SOAT1: variants seen among roughly 807,000 people sequenced by gnomAD.
SOAT1 encodes sterol O-acyltransferase 1, also known as acyl-coenzyme A:cholesterol acyltransferase 1.
SOAT1 carries 55 observed loss-of-function variants against 69.5 expected under a neutral mutation model. The observed-to-expected ratio is 0.79, with a 90% CI of 0.64 to 0.99. The LOEUF is 0.99. SOAT1 is among the 50% of genes least tolerant of loss of function. The probability of loss-of-function intolerance (pLI) is 0.00; values close to 1 mark genes in which losing one functional copy is unlikely to be tolerated. For missense variants in SOAT1, 580 were observed against 669.3 expected (o/e 0.87, Z 1.47); for synonymous variants, 231 against 224.7 (o/e 1.03, Z -0.25).
At chr1:179,339,571 C>G (rs1398965272) in intron 6 of SOAT1, 26 bp downstream of exon 6, 1 of 1,443,738 alleles carries the variant, frequency 6.9e-7, no homozygotes. Flanking sequence ...AGATGGCTGG[C>G]TAGTTGATGC....
intron 2 of SOAT1, among the ~76,000 whole-genome samples, chr1:179,316,365 G>A (rs1165838495): frequency 6.6e-6 from 1 of 151,716 alleles, no homozygotes; most frequent in African/African-American, 2.4e-5. Flanking sequence ...GCGTCAGACA[G>A]TTTCACTGTG....
At chr1:179,343,544 C>CAATT (rs1666416384) in intron 9 of SOAT1, 46 bp from the exon 10 acceptor site, 1 of 1,522,230 alleles carries the variant, frequency 6.6e-7, no homozygotes, top group African/African-American at 1.4e-5. Flanking sequence ...TATTCAAGTT[C>CAATT]AATTACTTTA....
In SOAT1 at chr1:179,341,212, A is replaced by G. The variant is rs1200910072; in HGVS notation, c.682A>G (p.Met228Val). Reference protein sequence around the residue: ...IRSLFHGFLFMIFQIGVLGFG... With the variant: ...IRSLFHGFLFVIFQIGVLGFG... ...TTCTCTCTTCCATGGCTTTCTTTTC[A>G]TGATCTTCCAGATTGGAGTTCTAGG... Residue 228 changes from methionine (M) to valine (V), a missense_variant, in exon 7 of 16, where the codon ATG (methionine) becomes GTG (valine). Physicochemically the swap from Met to Val is conservative, Grantham distance 21. Transcript: ENST00000367619. 8.1e-6 allele frequency: 13 copies of G among 1,613,906 alleles called. No homozygotes were observed. Among genetic ancestry groups the G allele is most frequent in the Admixed American group, 1.7e-5 (1 of 59,976 alleles).
intron 15 of SOAT1, among the ~76,000 whole-genome samples, chr1:179,351,773 G>A (rs1666746354): frequency 1.6e-5 from 2 of 125,398 alleles, no homozygotes; most frequent in African/African-American, 6.4e-5. Context: ...AGGCTGGAGT[G>A]CAGTGGTGCA....
intron 3 of SOAT1, among the ~76,000 whole-genome samples, chr1:179,334,947 G>A (rs1261597880): frequency 2.7e-5 from 4 of 150,542 alleles, no homozygotes; most frequent in South Asian, 2.1e-4. Context: ...CCCAGGAGGC[G>A]GAGGTTGCGG....
intron 4 of SOAT1, among the ~76,000 whole-genome samples, 157 bp downstream of exon 4, chr1:179,335,814 A>G (rs1169852997): frequency 6.6e-6 from 1 of 152,090 alleles, no homozygotes; most frequent in East Asian, 1.9e-4. Context: ...TTGAAGGAGG[A>G]TGGGGATTTC....
rs1023717428 is a variant in SOAT1 at position 179,351,200 on chromosome 1, C to T, written c.1451-117C>T. On this transcript the variant is annotated intron_variant, in intron 14 of 15. Coordinates refer to ENST00000367619, the MANE Select transcript of SOAT1 (RefSeq NM_003101.6). ...CTGGGATTACAGGCACACACCACCA[C>T]GCCTGGCTAATTTTTGTATTTTTAA... 25 of 812,468 alleles carry T rather than the reference C, an allele frequency of 3.1e-5. No homozygotes were observed. The East Asian group carries it at 3.7e-4, about 12-fold the overall frequency. The allele number at this position is 812,468 out of a possible 1,614,324, so 50.3% of individuals were successfully genotyped here. A position where few individuals can be genotyped will look rare whatever the true frequency, so the allele number is the denominator to read the frequency against.
chr1:179,337,936 A>G (rs934882532), intron 5 of SOAT1, 40 bp downstream of exon 5: 3 of 1,403,758 alleles, frequency 2.1e-6, no homozygotes, highest in Non-Finnish European at 3.0e-6. Flanking sequence ...TTTGATTTTT[A>G]AAAAACTATT....
At chr1:179,344,868 C>CT (rs1285062755) in intron 10 of SOAT1, 79 bp from the exon 11 acceptor site, 8 of 1,400,514 alleles carry the variant, frequency 5.7e-6, no homozygotes. Context: ...CACATCTGTA[C>CT]TTTCTTTTGG....
intron 15 of SOAT1, 51 bp downstream of exon 15, chr1:179,351,513 T>C: frequency 6.3e-7 from 1 of 1,583,768 alleles, no homozygotes; most frequent in Non-Finnish European, 8.6e-7. Context: ...ATTCTCTGTT[T>C]GTGAGAGTTG....
At chr1:179,345,739 G>A (rs1442509717) in intron 11 of SOAT1, among the ~76,000 whole-genome samples, 2 of 151,768 alleles carry the variant, frequency 1.3e-5, no homozygotes, top group East Asian at 1.9e-4. Flanking sequence ...TTGGAGAGAC[G>A]GGGTCTCCCT....
chr1:179,306,172 G>A (rs1210574871), intron 2 of SOAT1, among the ~76,000 whole-genome samples: 4 of 152,126 alleles, frequency 2.6e-5, no homozygotes, highest in Non-Finnish European at 5.9e-5. Flanking sequence ...TTCATGGATA[G>A]GAGTATAGAG....
intron 2 of SOAT1, among the ~76,000 whole-genome samples, chr1:179,304,354 T>A (rs901607948): frequency 6.6e-6 from 1 of 151,836 alleles, no homozygotes; most frequent in Non-Finnish European, 1.5e-5. Flanking sequence ...ATTGGCTTAC[T>A]GCAACCTCTG....
In SOAT1 at chr1:179,353,678, TG is replaced by T; in HGVS notation, c.*40del. 2 of 1,544,670 alleles carry T rather than the reference TG, an allele frequency of 1.3e-6. No homozygotes were observed. The highest frequency in any genetic ancestry group is 1.8e-6 in the Non-Finnish European group (2 of 1,118,192). Reference sequence around the variant, plus strand: ...TTGTTTCCTCCTTGTCACTGAAGATTGGGTAGCTCCCTGATTTGGAGCCAGC... The same window carrying T: ...TTGTTTCCTCCTTGTCACTGAAGATTGGTAGCTCCCTGATTTGGAGCCAGC... On this transcript the variant is annotated 3_prime_UTR_variant, in exon 16 of 16. Coordinates refer to ENST00000367619, the MANE Select transcript of SOAT1 (RefSeq NM_003101.6).
At chr1:179,317,556 A>G (rs1665439954) in intron 2 of SOAT1, among the ~76,000 whole-genome samples, 1 of 149,322 alleles carries the variant, frequency 6.7e-6, no homozygotes, top group Non-Finnish European at 1.5e-5. Flanking sequence ...AAAATACTTA[A>G]GCTATTACCA....
Position 179,341,174 on chromosome 1 carries a change from A to G in SOAT1, c.644A>G (p.His215Arg), listed in dbSNP as rs368377878. The change falls in exon 7 of 16, where the codon CAT (histidine) becomes CGT (arginine). Residue 215 changes from histidine to arginine, a missense_variant. His to Arg is a conservative substitution (Grantham distance 29, BLOSUM62 0). Transcript: ENST00000367619. ...HWATGYSKSS[H>R]PLIRSLFHGF... ...GCCACTGGCTATAGCAAGAGTTCTC[A>G]TCCGCTGATCCGTTCTCTCTTCCAT... 6.2e-7 allele frequency: 1 copy of G among 1,613,938 alleles called. No individual in the cohort carries two copies. Among genetic ancestry groups the G allele is most frequent in the Non-Finnish European group, 8.5e-7 (1 of 1,179,994 alleles).
At position 179,356,465 on chromosome 1, in the gene SOAT1, C is replaced by CTTTTT. The variant is rs1275194965; in HGVS notation, c.*2845_*2849dup. ...AATTTAATTAGAAAACTGAGGCTGC[C>CTTTTT]TTTTTTTTTTTTTTTTTTTTTTTTT... On this transcript the variant is annotated 3_prime_UTR_variant, in exon 16 of 16. Transcript: ENST00000367619. The CTTTTT allele has an allele frequency of 9.4e-4, 57 of 60,438 alleles. 1 individual carries two copies. Among genetic ancestry groups the CTTTTT allele is most frequent in the African/African-American group, 4.2e-3 (56 of 13,278 alleles). 3.7% of individuals were successfully genotyped at this position (60,438 alleles called of 1,614,324 possible).
intron 2 of SOAT1, among the ~76,000 whole-genome samples, chr1:179,311,377 C>A (rs942979484): frequency 6.7e-6 from 1 of 150,324 alleles, no homozygotes; most frequent in African/African-American, 2.4e-5. Flanking sequence ...AAATTTGTAA[C>A]AAGTTTAACA....
intron 3 of SOAT1, among the ~76,000 whole-genome samples, chr1:179,335,283 G>A (rs1306645978): frequency 6.6e-6 from 1 of 152,112 alleles, no homozygotes; most frequent in Admixed American, 6.5e-5. Context: ...ATGCTTACAA[G>A]GGGTATACAT....
Sources: gnomAD v4.1 joint callset for allele counts (sites outside exome capture counted in the v4.1 genomes callset) on GRCh38, gnomAD v4.1.1 for gene constraint, MANE v1.5 for transcripts, NCBI Gene and HGNC (gene_info 2026-07-23, HGNC 2026-07-21) for gene names.